GALNT13: variants seen among roughly 807,000 people sequenced by gnomAD.
GALNT13 encodes the protein UDP-GalNAc:polypeptide N-acetylgalactosaminyltransferase 13.
A neutral mutation model predicts 64.2 loss-of-function variants in GALNT13; 28 were observed. The ratio of observed to expected loss-of-function variants is 0.44; its 90% CI spans 0.32 to 0.60. GALNT13 has a LOEUF of 0.60. Among genes scored for constraint, GALNT13 ranks in the 20% least tolerant of loss-of-function variants. The pLI is 0.05. For missense variants in GALNT13, 577 were observed against 669.8 expected (o/e 0.86, Z 1.53); for synonymous variants, 214 against 224.6 (o/e 0.95, Z 0.42).
At chr2:153,561,770 T>A in the GALNT13 span, among the ~76,000 whole-genome samples, 1 of 151,962 alleles carries the variant, frequency 6.6e-6, no homozygotes, top group Non-Finnish European at 1.5e-5. Context: ...ACTTTAAAGG[T>A]AATGGTGCTA....
At chr2:153,951,130 G>A (rs1421358981) in intron 3 of GALNT13, among the ~76,000 whole-genome samples, 1 of 152,118 alleles carries the variant, frequency 6.6e-6, no homozygotes, top group Non-Finnish European at 1.5e-5. Flanking sequence ...TGGGGTGTGA[G>A]ATGGGGGTGA....
intron 3 of GALNT13, among the ~76,000 whole-genome samples, chr2:154,136,235 A>T (rs1019792138): frequency 6.6e-6 from 1 of 152,208 alleles, no homozygotes; most frequent in African/African-American, 2.4e-5. Flanking sequence ...TAGAAATACA[A>T]TTTGAAAGAT....
chr2:153,427,617 T>G, the GALNT13 span, among the ~76,000 whole-genome samples: 10 of 152,156 alleles, frequency 6.6e-5, no homozygotes, highest in Non-Finnish European at 8.8e-5. Flanking sequence ...AAGTTAAAGT[T>G]TGAAATGTTT....
the GALNT13 span, among the ~76,000 whole-genome samples, chr2:153,232,091 CCTGTTTTGTTT>C: frequency 2.0e-5 from 3 of 152,124 alleles, no homozygotes; most frequent in African/African-American, 7.2e-5. Flanking sequence ...AAGTTGAGCA[CCTGTTTTGTTT>C]CTGTTTTGTT....
chr2:154,083,099 G>T (rs1048923158), intron 3 of GALNT13, among the ~76,000 whole-genome samples: 3 of 152,008 alleles, frequency 2.0e-5, no homozygotes, highest in Non-Finnish European at 4.4e-5. Flanking sequence ...TAAGGTGTAA[G>T]GAAGGGGTCC....
At chr2:153,740,547 C>T in the GALNT13 span, among the ~76,000 whole-genome samples, 3 of 152,000 alleles carry the variant, frequency 2.0e-5, no homozygotes, top group Admixed American at 6.6e-5. Flanking sequence ...TTTTGGCATT[C>T]GTCTTTTCTC....
chr2:153,598,724 C>T, the GALNT13 span, among the ~76,000 whole-genome samples: 1 of 151,960 alleles, frequency 6.6e-6, no homozygotes, highest in Non-Finnish European at 1.5e-5. Context: ...TACAATAATA[C>T]TTTATTCCTG....
intron 1 of GALNT13, among the ~76,000 whole-genome samples, chr2:153,899,853 A>G (rs1213061149): frequency 2.0e-5 from 3 of 149,872 alleles, no homozygotes; most frequent in Admixed American, 6.7e-5. Flanking sequence ...TTTTATTTAT[A>G]TTGTTCATAG....
At chr2:153,572,778 A>G in the GALNT13 span, among the ~76,000 whole-genome samples, 1 of 151,528 alleles carries the variant, frequency 6.6e-6, no homozygotes, top group South Asian at 2.1e-4. Context: ...ATTAATTGCT[A>G]GTTTCATTCC....
the GALNT13 span, among the ~76,000 whole-genome samples, chr2:153,611,540 T>C: frequency 2.0e-5 from 3 of 152,044 alleles, no homozygotes; most frequent in Non-Finnish European, 1.5e-5. Flanking sequence ...GGCTAATTTT[T>C]AGTAAAGACG....
At chr2:154,455,173 G>A (rs2105516911), downstream of GALNT13, among the ~76,000 whole-genome samples, 1 of 152,206 alleles carries the variant, frequency 6.6e-6, no homozygotes, top group Admixed American at 6.5e-5. Flanking sequence ...TAAAAAATTT[G>A]GTGGGAGGTT....
At chr2:153,421,006 T>G in the GALNT13 span, 1 of 175,294 alleles carries the variant, frequency 5.7e-6, no homozygotes, top group African/African-American at 2.4e-5. Flanking sequence ...GTGCATTTGG[T>G]CTTGTTAGTG....
chr2:154,243,590 A>G (rs1294858008), intron 6 of GALNT13, among the ~76,000 whole-genome samples: 1 of 152,236 alleles, frequency 6.6e-6, no homozygotes, highest in Non-Finnish European at 1.5e-5. Flanking sequence ...TAACACTTAT[A>G]GAAATTAAGA....
Position 154,269,926 on chromosome 2 carries a change from T to TATATATATATATATA in GALNT13, c.975+10788_975+10789insATATATATATATATA, listed in dbSNP as rs1356571076. The stretch of plus-strand genomic sequence containing the variant: ...TATGTGTATATATATATATATATAT[T>TATATATATATATATA]TCTAAAGCACAGGGTGAGTAGGTGT... On this transcript the variant is annotated intron_variant, in intron 8 of 12. Coordinates refer to ENST00000392825, the MANE Select transcript of GALNT13 (RefSeq NM_052917.4). Among the ~76,000 whole-genome samples, 60 of 33,334 alleles carry TATATATATATATATA rather than the reference T, an allele frequency of 1.8e-3. 2 individuals are homozygous for TATATATATATATATA. The highest frequency in any genetic ancestry group is 4.1e-3 in the African/African-American group (52 of 12,602). 21.9% of individuals were successfully genotyped at this position (33,334 alleles called of 152,430 possible). A position where few individuals can be genotyped will look rare whatever the true frequency, so the allele number is the denominator to read the frequency against.
At chr2:153,313,572 G>A in the GALNT13 span, among the ~76,000 whole-genome samples, 13 of 152,102 alleles carry the variant, frequency 8.5e-5, no homozygotes, top group African/African-American at 2.2e-4. Context: ...AGAAGGGAGA[G>A]GATCAGGAAA....
chr2:154,267,667 T>G (rs60170880), intron 8 of GALNT13, among the ~76,000 whole-genome samples: 18,714 of 151,954 alleles, frequency 0.12, 1,397 homozygotes, highest in East Asian at 0.35. Context: ...CAAAAAAACT[T>G]GTGCTTTTCA....
At chr2:153,142,204 G>C in the GALNT13 span, among the ~76,000 whole-genome samples, 1 of 152,022 alleles carries the variant, frequency 6.6e-6, no homozygotes. Context: ...TGCATTTGGT[G>C]ACTTCACATA....
the GALNT13 span, among the ~76,000 whole-genome samples, chr2:153,628,741 C>A: frequency 2.6e-5 from 4 of 152,044 alleles, no homozygotes; most frequent in South Asian, 4.2e-4. Context: ...TGCTGGATTT[C>A]GTTTGCCAGT....
the GALNT13 span, among the ~76,000 whole-genome samples, chr2:153,141,437 T>G: frequency 2.6e-5 from 4 of 151,888 alleles, no homozygotes; most frequent in African/African-American, 7.2e-5. Flanking sequence ...ACCCCGTGAG[T>G]TGGGGCAGGG....
Sources: allele counts gnomAD v4.1 joint callset (sites outside exome capture counted in the v4.1 genomes callset), GRCh38; gene constraint gnomAD v4.1.1; transcripts MANE v1.5; gene names NCBI Gene and HGNC (gene_info 2026-07-23, HGNC 2026-07-21).